Variants in DNAJB5 observed in about 807,000 individuals in gnomAD.
The protein encoded by DNAJB5 is DnaJ heat shock protein family (Hsp40) member B5, also known as dnaJ homolog subfamily B member 5.
In DNAJB5, 12 loss-of-function variants were observed where a neutral mutation model predicts 32.6. The ratio of observed to expected loss-of-function variants is 0.37; its 90% CI spans 0.24 to 0.60. The LOEUF is 0.60. DNAJB5 is among the 20% of genes least tolerant of loss of function. The probability of loss-of-function intolerance (pLI) is 0.71; values close to 1 mark genes in which losing one functional copy is unlikely to be tolerated. For synonymous variants in DNAJB5, 188 were observed against 212.9 expected (o/e 0.88, Z 1.02); for missense variants, 358 against 554.2 (o/e 0.65, Z 3.55).
chr9:34,997,320 A>G lies in DNAJB5; in HGVS notation c.*61A>G, dbSNP rs770051452. 6.5e-5 allele frequency: 98 copies of G among 1,497,022 alleles called. No homozygotes were observed. The highest frequency in any genetic ancestry group is 1.8e-4 in the Admixed American group (11 of 59,552). 92.7% of individuals were successfully genotyped at this position (1,497,022 alleles called of 1,614,324 possible). ...ATACCCCCAACACTCACTCCACTCA[A>G]TGTGCACCCAGCTTGATGTCCACTG... On this transcript the variant is annotated 3_prime_UTR_variant, in exon 5 of 5. Transcript: ENST00000682809. The surrounding 1 kb of genome is among the most constrained non-coding windows in gnomAD (Gnocchi z 4.1).
At chr9:34,991,717 A>C (rs1348102662) in intron 2 of DNAJB5, 15 of 155,604 alleles carry the variant, frequency 9.6e-5, no homozygotes, top group Non-Finnish European at 1.4e-4. Flanking sequence ...TCCCAACCCC[A>C]CCCCCCACCC....
At chr9:34,991,303 AG>A (rs1563948066) in intron 2 of DNAJB5, 2 of 456,370 alleles carry the variant, frequency 4.4e-6, no homozygotes, top group Non-Finnish European at 8.8e-6. Context: ...GCCTGTGGGT[AG>A]GGGGGAAGGG....
intron 1 of DNAJB5, 96 bp downstream of exon 1, chr9:34,989,927 A>G: frequency 2.4e-6 from 3 of 1,225,744 alleles, no homozygotes; most frequent in Non-Finnish European, 3.1e-6. Flanking sequence ...GAGGGCCCGT[A>G]GGCTCTGCTG....
intron 2 of DNAJB5, chr9:34,991,024 C>T: frequency 1.7e-6 from 1 of 592,208 alleles, no homozygotes; most frequent in South Asian, 2.0e-5. Context: ...TTTCCACAGA[C>T]ATTTCCTCCA....
rs885451 is a variant in DNAJB5, at chr9:34,997,572, C to G, written c.*313C>G. 183,818 of 468,408 alleles carry G rather than the reference C, an allele frequency of 0.39. 42,756 individuals carry two copies. Among genetic ancestry groups the G allele is most frequent in the Non-Finnish European group, 0.5 (123,816 of 249,582 alleles). 29.0% of individuals were successfully genotyped at this position (468,408 alleles called of 1,614,324 possible). A position where few individuals can be genotyped will look rare whatever the true frequency, so the allele number is the denominator to read the frequency against. ...GCTACTTGAAGATATGTAGAGATTC[C>G]TTATCCATGCCTGTACATAGCATGT... On this transcript the variant is annotated 3_prime_UTR_variant, in exon 5 of 5. Coordinates refer to ENST00000682809, the MANE Select transcript of DNAJB5 (RefSeq NM_001349723.3). This position sits in a 1 kb window ranked among gnomAD's most constrained non-coding sequence, Gnocchi z 4.1.
rs202119401 is a variant in DNAJB5 at position 34,993,271 on chromosome 9, C to T, written c.254C>T (p.Ser85Leu). 3.3e-5 allele frequency: 54 copies of T among 1,614,094 alleles called. No homozygotes were observed. The highest frequency in any genetic ancestry group is 4.4e-5 in the Non-Finnish European group (52 of 1,180,012). The change falls in exon 3 of 5, where the codon TCG becomes TTG. Residue 85 changes from serine (S) to leucine (L), a missense_variant. Physicochemically the swap from Ser to Leu is moderately radical, Grantham distance 145. This residue lies in a region of DNAJB5 where 110 missense variants were observed against 111.7 expected (regional missense o/e 0.99). Coordinates refer to ENST00000682809, the MANE Select transcript of DNAJB5 (RefSeq NM_001349723.3). This position sits in a 1 kb window ranked among gnomAD's most constrained non-coding sequence, Gnocchi z 4.7. The stretch of plus-strand genomic sequence containing the variant: ...TATTACAAGATTCTTGGGATCCCAT[C>T]GGGGGCCAACGAGGATGAGATCAAG... ...KDYYKILGIP[S>L]GANEDEIKKA... is the part of the protein sequence containing the mutation.
intron 3 of DNAJB5, among the ~76,000 whole-genome samples, chr9:34,994,354 T>G (rs949372920): frequency 1.3e-5 from 2 of 152,180 alleles, no homozygotes; most frequent in African/African-American, 4.8e-5. Context: ...TTTCTTCCCC[T>G]CCTCCTGGCC....
At chr9:34,991,224 C>T in intron 2 of DNAJB5, 1 of 442,184 alleles carries the variant, frequency 2.3e-6, no homozygotes, top group Admixed American at 2.4e-5. Context: ...TCTACCTTAA[C>T]ATCCTCCTCA....
intron 3 of DNAJB5, among the ~76,000 whole-genome samples, chr9:34,995,092 G>T (rs1439566575): frequency 6.6e-6 from 1 of 152,148 alleles, no homozygotes; most frequent in Non-Finnish European, 1.5e-5. Flanking sequence ...TAGAAGGAAA[G>T]GAGAGATCCT....
In DNAJB5 at chr9:34,989,768, C is replaced by T. The variant is rs1216456757; in HGVS notation, c.-196C>T. 7.3e-6 allele frequency: 9 copies of T among 1,231,232 alleles called. No homozygotes were observed. The highest frequency in any genetic ancestry group is 1.6e-5 in the African/African-American group (1 of 64,350). The allele number at this position is 1,231,232 out of a possible 1,614,324, so 76.3% of individuals were successfully genotyped here. A position where few individuals can be genotyped will look rare whatever the true frequency, so the allele number is the denominator to read the frequency against. On this transcript the variant is annotated 5_prime_UTR_variant, in exon 1 of 5. Transcript: ENST00000682809. ...CTGTCCCGGGTGGAGGCGGCGGAGCCGGAGCCGGGGGAGGGGGCAGCGGCT... is the reference window on the plus strand; with the variant it reads ...CTGTCCCGGGTGGAGGCGGCGGAGCTGGAGCCGGGGGAGGGGGCAGCGGCT...
rs2132978750 is a variant in DNAJB5, at chr9:34,993,384, G to T, written c.367G>T (p.Ala123Ser). 6.2e-7 allele frequency: 1 copy of T among 1,614,064 alleles called. No individual in the cohort carries two copies. The highest frequency in any genetic ancestry group is 2.2e-5 in the East Asian group (1 of 44,874). Residue 123 changes from alanine (A) to serine (S), a missense_variant, in exon 3 of 5, where the codon GCC (alanine) becomes TCC (serine). Physicochemically the swap from Ala to Ser is moderately conservative, Grantham distance 99. Around this residue, in one of 2 missense-constraint regions of DNAJB5, gnomAD observed 248 missense variants for 442.6 expected, o/e 0.56. Transcript: ENST00000682809. The surrounding 1 kb of genome is among the most constrained non-coding windows in gnomAD (Gnocchi z 4.7). ...AEEKFKEIAE[A>S]YDVLSDPKKR... The stretch of plus-strand genomic sequence containing the variant: ...GGAGAAGTTTAAGGAGATTGCAGAG[G>T]CCTATGATGTGCTAAGTGACCCCAA...
intron 2 of DNAJB5, chr9:34,991,678 C>G (rs907502340): frequency 4.6e-5 from 12 of 262,734 alleles, no homozygotes; most frequent in South Asian, 1.1e-4. Flanking sequence ...GCCCCCCCCC[C>G]CAACGAGGTG....
Position 34,996,374 on chromosome 9 carries a change from C to G in DNAJB5, c.537C>G (p.Pro179=). The part of the protein sequence containing the change: ...TFASFFGGSN[P]FDIFFASSRS... ...CCTCCTTCTTTGGTGGCTCCAACCC[C>G]TTCGATATCTTCTTTGCCAGCAGCC... Residue 179 remains proline (P), a synonymous_variant, in exon 4 of 5, where the codon CCC becomes CCG. Coordinates refer to ENST00000682809, the MANE Select transcript of DNAJB5 (RefSeq NM_001349723.3). The surrounding 1 kb of genome is among the most constrained non-coding windows in gnomAD (Gnocchi z 7.2). 6.2e-6 allele frequency: 10 copies of G among 1,614,204 alleles called. No individual in the cohort carries two copies. The highest frequency in any genetic ancestry group is 1.3e-5 in the African/African-American group (1 of 75,052).
At position 34,993,474 on chromosome 9, in the gene DNAJB5, G is replaced by T; in HGVS notation, c.427+30G>T. 3.1e-6 allele frequency: 5 copies of T among 1,591,854 alleles called. No homozygotes were observed. Among genetic ancestry groups the T allele is most frequent in the Non-Finnish European group, 4.3e-6 (5 of 1,172,448 alleles). On this transcript the variant is annotated intron_variant, in intron 3 of 4. Transcript: ENST00000682809. This position sits in a 1 kb window ranked among gnomAD's most constrained non-coding sequence, Gnocchi z 4.7. ...GAGGGCAGCACTCCAGCCCAATCCCGGACCCCTCCGCTTGGTAGGGGTCCC... is the reference window on the plus strand; with the variant it reads ...GAGGGCAGCACTCCAGCCCAATCCCTGACCCCTCCGCTTGGTAGGGGTCCC...
chr9:34,992,084 G>A (rs531035167), intron 2 of DNAJB5: 1 of 152,492 alleles, frequency 6.6e-6, no homozygotes, highest in Non-Finnish European at 1.5e-5. Flanking sequence ...GTCTCAGAAG[G>A]GCTGAGAATG....
At chr9:34,991,284 C>G in intron 2 of DNAJB5, 1 of 456,638 alleles carries the variant, frequency 2.2e-6, no homozygotes, top group Non-Finnish European at 4.4e-6. Context: ...TTTGTCATTC[C>G]AACACGTGGC....
intron 2 of DNAJB5, chr9:34,991,121 T>G: frequency 2.2e-6 from 1 of 447,656 alleles, no homozygotes; most frequent in Non-Finnish European, 4.2e-6. Flanking sequence ...CTCATCCCCC[T>G]CCATCAGTAC....
Position 34,997,290 on chromosome 9 carries a change from C to CAG in DNAJB5, c.*32_*33dup, listed in dbSNP as rs1261875847. 16 of 1,595,322 alleles carry CAG rather than the reference C, an allele frequency of 1.0e-5. No homozygotes were observed. The highest frequency in any genetic ancestry group is 1.4e-5 in the Non-Finnish European group (16 of 1,163,008). On this transcript the variant is annotated 3_prime_UTR_variant, in exon 5 of 5. Coordinates refer to ENST00000682809, the MANE Select transcript of DNAJB5 (RefSeq NM_001349723.3). The surrounding 1 kb of genome is among the most constrained non-coding windows in gnomAD (Gnocchi z 4.1). ...GCCCCAGCCAGTCCAGAGCCTACCA[C>CAG]AGCAATACCCCCAACACTCACTCCA... is the stretch of plus-strand genomic sequence containing the variant.
rs35837382 is a variant in DNAJB5, at chr9:34,996,481, G to A, written c.644G>A (p.Arg215His). 2.4e-5 allele frequency: 39 copies of A among 1,614,046 alleles called. No homozygotes were observed. Among genetic ancestry groups the A allele is most frequent in the Admixed American group, 5.0e-5 (3 of 60,000 alleles). Residue 215 changes from arginine (R) to histidine (H), a missense_variant, in exon 4 of 5, where the codon CGT becomes CAT. Physicochemically the swap from Arg to His is conservative, Grantham distance 29. Transcript: ENST00000682809. This position sits in a 1 kb window ranked among gnomAD's most constrained non-coding sequence, Gnocchi z 7.2. ...GAGGACCCATTTGGCGCTTTCGGCC[G>A]TTTTGGCTTCAATGGGCTGAGTAGG... ...EDEDPFGAFGRFGFNGLSRGP... is the reference protein window; with the variant it reads ...EDEDPFGAFGHFGFNGLSRGP...
Sources: gnomAD v4.1 joint callset for allele counts (sites outside exome capture counted in the v4.1 genomes callset) on GRCh38, gnomAD v4.1.1 for gene constraint, gnomAD v4.1.1 regional missense constraint, Gnocchi (gnomAD v3.1) non-coding constraint, MANE v1.5 for transcripts, NCBI Gene and HGNC (gene_info 2026-07-23, HGNC 2026-07-21) for gene names.